The following MARCO variants were observed in gnomAD, a reference collection of about 807,000 sequenced individuals.
The protein encoded by MARCO is macrophage receptor with collagenous structure, also known as macrophage receptor MARCO.
MARCO carries 72 observed loss-of-function variants against 70.0 expected under a neutral mutation model. The observed-to-expected ratio is 1.03, with a 90% CI of 0.85 to 1.25. The LOEUF (loss-of-function observed/expected upper bound fraction) is 1.25, where lower values mean the gene tolerates loss of function less well. Among genes scored for constraint, MARCO ranks in the 50% most tolerant of loss-of-function variants. The probability of loss-of-function intolerance (pLI) is 0.00; values close to 1 mark genes in which losing one functional copy is unlikely to be tolerated. For synonymous variants in MARCO, 273 were observed against 243.1 expected (o/e 1.12, Z -1.14); for missense variants, 696 against 659.3 (o/e 1.06, Z -0.61).
chr2:118,991,461 G>T (rs139661534), intron 13 of MARCO, among the ~76,000 whole-genome samples: 1 of 152,058 alleles, frequency 6.6e-6, no homozygotes, highest in African/African-American at 2.4e-5. Flanking sequence ...AGGAGACATC[G>T]AGGCTTAGAA....
intron 1 of MARCO, among the ~76,000 whole-genome samples, chr2:118,944,431 C>T (rs546158649): frequency 3.3e-5 from 5 of 152,184 alleles, no homozygotes; most frequent in South Asian, 2.1e-4. Context: ...CCCTCAGGGC[C>T]GGCTCTGCAC....
chr2:118,990,569 C>CGGGGGGGGGGTGG lies in MARCO; in HGVS notation c.1064-20_1064-19insGGGGGGGGGGTGG. ...AGTTTTATTATCTCCTCCCCCCCCCCTTTTTTGTTTTGATCTTAGGACTTC... is the reference window on the plus strand; with the variant it reads ...AGTTTTATTATCTCCTCCCCCCCCCCGGGGGGGGGGTGGTTTTTTGTTTTGATCTTAGGACTTC... On this transcript the variant is annotated intron_variant, in intron 12 of 16. Transcript: ENST00000327097. 1 of 1,415,968 alleles carries CGGGGGGGGGGTGG rather than the reference C, an allele frequency of 7.1e-7. No individual in the cohort carries two copies. Among genetic ancestry groups the CGGGGGGGGGGTGG allele is most frequent in the Non-Finnish European group, 9.7e-7 (1 of 1,028,326 alleles). 87.7% of individuals were successfully genotyped at this position (1,415,968 alleles called of 1,614,324 possible).
At chr2:118,974,747 G>A (rs1680246895) in intron 6 of MARCO, among the ~76,000 whole-genome samples, 182 bp downstream of exon 6, 1 of 152,238 alleles carries the variant, frequency 6.6e-6, no homozygotes, top group South Asian at 2.1e-4. Context: ...CTGGTGGCCA[G>A]AGTAGGGCTG....
intron 12 of MARCO, among the ~76,000 whole-genome samples, chr2:118,987,962 C>G (rs1165969341): frequency 1.3e-5 from 2 of 152,216 alleles, no homozygotes; most frequent in African/African-American, 4.8e-5. Flanking sequence ...AAGGTGCCTT[C>G]AGGGAACATT....
intron 4 of MARCO, among the ~76,000 whole-genome samples, chr2:118,973,040 T>C (rs1680203345): frequency 6.6e-6 from 1 of 152,150 alleles, no homozygotes; most frequent in Admixed American, 6.5e-5. Flanking sequence ...TGAATATAGA[T>C]GTATGTACAT....
intron 1 of MARCO, among the ~76,000 whole-genome samples, chr2:118,951,309 C>T (rs920503520): frequency 2.4e-4 from 36 of 152,308 alleles, no homozygotes; most frequent in African/African-American, 6.3e-4. Flanking sequence ...TTTAGATCCC[C>T]GTTAGGAAAC....
intron 1 of MARCO, among the ~76,000 whole-genome samples, chr2:118,965,383 G>T (rs1052238583): frequency 6.6e-6 from 1 of 151,902 alleles, no homozygotes; most frequent in Non-Finnish European, 1.5e-5. Context: ...TATTTTTTTA[G>T]TTCTATAGTT....
chr2:118,945,032 C>T (rs1679569339), intron 1 of MARCO: 1 of 151,898 alleles, frequency 6.6e-6, no homozygotes, highest in Admixed American at 6.6e-5. Flanking sequence ...TATATGTATC[C>T]ATGGATGAAT....
intron 6 of MARCO, among the ~76,000 whole-genome samples, chr2:118,975,403 A>AG (rs1376194292): frequency 6.6e-6 from 1 of 152,248 alleles, no homozygotes; most frequent in Non-Finnish European, 1.5e-5. Flanking sequence ...CTAAGCCGCC[A>AG]GGCTGCTGAG....
At chr2:118,959,261 GA>G (rs1237012929) in intron 1 of MARCO, among the ~76,000 whole-genome samples, 1 of 152,064 alleles carries the variant, frequency 6.6e-6, no homozygotes, top group Non-Finnish European at 1.5e-5. Context: ...TTAATGTCCA[GA>G]ATCTACAACA....
intron 1 of MARCO, among the ~76,000 whole-genome samples, chr2:118,942,780 A>C (rs1679529400): frequency 6.6e-6 from 1 of 152,202 alleles, no homozygotes; most frequent in African/African-American, 2.4e-5. Flanking sequence ...AACTGAAGCC[A>C]AGCATGACAG....
Position 118,981,465 on chromosome 2 carries a change from G to C in MARCO, c.823G>C (p.Ala275Pro), listed in dbSNP as rs1196666028. ...GDAGVMGPPG[A>P]QGSKGDFGRP... ...TGCAGGGGTCATGGGGCCTCCTGGA[G>C]CCCAGGGGAGTAAAGGTGACTTCGG... Residue 275 changes from alanine to proline, a missense_variant, in exon 9 of 17, where the codon GCC becomes CCC. By Grantham distance (27) the Ala-to-Pro change is conservative (BLOSUM62 -1). This residue lies in a region of MARCO where 605 missense variants were observed against 537.6 expected (regional missense o/e 1.13). Transcript: ENST00000327097. 2 of 1,598,070 alleles carry C rather than the reference G, an allele frequency of 1.3e-6. No homozygotes were observed. Among genetic ancestry groups the C allele is most frequent in the Non-Finnish European group, 8.5e-7 (1 of 1,176,380 alleles).
chr2:118,960,704 C>G (rs757077537), intron 1 of MARCO, among the ~76,000 whole-genome samples: 10 of 152,030 alleles, frequency 6.6e-5, no homozygotes, highest in Non-Finnish European at 1.5e-4. Flanking sequence ...ATATTATTTA[C>G]TAACTTTTTT....
intron 1 of MARCO, among the ~76,000 whole-genome samples, chr2:118,947,751 C>CGTTATTATCAAATAGA (rs1429075057): frequency 6.6e-5 from 10 of 152,122 alleles, no homozygotes; most frequent in African/African-American, 2.4e-4. Context: ...ATATTGTAAG[C>CGTTATTATCAAATAGA]GTTATTATCA....
intron 1 of MARCO, among the ~76,000 whole-genome samples, chr2:118,967,757 T>C (rs1680080279): frequency 6.6e-6 from 1 of 152,112 alleles, no homozygotes; most frequent in Admixed American, 6.5e-5. Flanking sequence ...CTGCAGGTGA[T>C]AGGAAAAGAT....
intron 12 of MARCO, among the ~76,000 whole-genome samples, chr2:118,986,661 G>A (rs1368957081): frequency 2.3e-4 from 10 of 44,002 alleles, no homozygotes; most frequent in East Asian, 1.2e-3. Context: ...AAGAAGGAAG[G>A]AAGGAAGGAA....
chr2:118,989,920 C>A lies in MARCO; in HGVS notation c.1064-669C>A, dbSNP rs60807902. Among the ~76,000 whole-genome samples the A allele has an allele frequency of 8.5e-3, 1,295 of 152,150 alleles. 20 individuals carry two copies. The highest frequency in any genetic ancestry group is 0.03 in the African/African-American group (1,238 of 41,488). On this transcript the variant is annotated intron_variant, in intron 12 of 16. Coordinates refer to ENST00000327097, the MANE Select transcript of MARCO (RefSeq NM_006770.4). Reference sequence around the variant, plus strand: ...ATGAACAAATTATTATCTCAGTGACCCAGCAGGATGCTGGGGACAGTGGGC... The same window carrying A: ...ATGAACAAATTATTATCTCAGTGACACAGCAGGATGCTGGGGACAGTGGGC...
chr2:118,942,377 T>C lies in MARCO; in HGVS notation c.77T>C (p.Met26Thr). The change falls in exon 1 of 17, where the codon ATG (methionine) becomes ACG (threonine). Residue 26 changes from methionine to threonine, a missense_variant. By Grantham distance (81) the Met-to-Thr change is moderately conservative. Transcript: ENST00000327097. ...CAAGCTGCTTTTCACCAAATTGCAA[T>C]GGAGCCTTTCGAAATCAATGGTAAA... is the stretch of plus-strand genomic sequence containing the variant. ...TQQAAFHQIAMEPFEINVPKP... is the reference protein window; with the variant it reads ...TQQAAFHQIATEPFEINVPKP... 6.2e-7 allele frequency: 1 copy of C among 1,613,396 alleles called. No homozygotes were observed. Among genetic ancestry groups the C allele is most frequent in the Non-Finnish European group, 8.5e-7 (1 of 1,179,410 alleles).
chr2:118,982,337 CTG>C lies in MARCO; in HGVS notation c.1001-9_1001-8del. The C allele has an allele frequency of 6.2e-7, 1 of 1,613,858 alleles. No homozygotes were observed. Among genetic ancestry groups the C allele is most frequent in the Middle Eastern group, 1.7e-4 (1 of 6,058 alleles). ...CCAGCCCTTATGCTCTCTGTGGTGT[CTG>C]TTGTCCAGGACTTCCAGGGAGCCCC... On this transcript the variant is annotated splice_polypyrimidine_tract_variant and intron_variant, in intron 11 of 16. Transcript: ENST00000327097.
Sources: gnomAD v4.1 joint callset for allele counts (sites outside exome capture counted in the v4.1 genomes callset) on GRCh38, gnomAD v4.1.1 for gene constraint, gnomAD v4.1.1 regional missense constraint, MANE v1.5 for transcripts, NCBI Gene and HGNC (gene_info 2026-07-23, HGNC 2026-07-21) for gene names.